The following TRIOBP variants were observed in gnomAD, a reference collection of about 807,000 sequenced individuals.
TRIOBP encodes the protein TRIO and F-actin-binding protein.
TRIOBP carries 169 observed loss-of-function variants against 238.8 expected under a neutral mutation model. The observed-to-expected ratio is 0.71, with a 90% confidence interval of 0.62 to 0.80. The LOEUF is 0.80. Among genes scored for constraint, TRIOBP ranks in the 30% least tolerant of loss-of-function variants. The pLI is 0.00. For missense variants in TRIOBP, 2,838 were observed against 3,122.6 expected (o/e 0.91, Z 2.17); for synonymous variants, 1,150 against 1,274.4 (o/e 0.90, Z 2.08).
chr22:37,751,202 T>TA (rs1484128723), intron 11 of TRIOBP: 1 of 380,702 alleles, frequency 2.6e-6, no homozygotes. Flanking sequence ...ACCCAGAAGG[T>TA]AGGGCTTGCC....
At chr22:37,755,308 C>T in intron 14 of TRIOBP, 118 bp downstream of exon 14, 1 of 1,124,650 alleles carries the variant, frequency 8.9e-7, no homozygotes, top group Non-Finnish European at 1.3e-6. Flanking sequence ...CTCATTTACC[C>T]AGAGGCCCTA....
chr22:37,764,324 C>G (rs1402324919), intron 17 of TRIOBP, among the ~76,000 whole-genome samples: 1 of 152,208 alleles, frequency 6.6e-6, no homozygotes, highest in Non-Finnish European at 1.5e-5. Context: ...CTGGGACGGA[C>G]AGGTCTGCAC....
intron 3 of TRIOBP, among the ~76,000 whole-genome samples, chr22:37,703,434 G>A (rs1033647614): frequency 3.3e-5 from 5 of 151,522 alleles, no homozygotes; most frequent in African/African-American, 1.2e-4. Flanking sequence ...TGGGACTCAC[G>A]AACCTCCGAG....
rs764421619 is a variant in TRIOBP, at chr22:37,772,665, G to C, written c.7001G>C (p.Arg2334Pro). ...VYVELSHIKT[R>P]SEREIEQLKE... ...GTGGAGCTGAGCCACATCAAGACAC[G>C]GTCTGAGCGGGAGATCGAGCAGCTG... Residue 2334 changes from arginine to proline, a missense_variant, in exon 23 of 24, where the codon CGG (arginine) becomes CCG (proline). This residue lies in a region of TRIOBP where 2,096 missense variants were observed against 2,137.4 expected (regional missense o/e 0.98). Coordinates refer to ENST00000644935, the MANE Select transcript of TRIOBP (RefSeq NM_001039141.3). 6.2e-7 allele frequency: 1 copy of C among 1,614,056 alleles called. No homozygotes were observed. Among genetic ancestry groups the C allele is most frequent in the Non-Finnish European group, 8.5e-7 (1 of 1,180,040 alleles).
In TRIOBP at chr22:37,748,291, C is replaced by A. The variant is rs533381812; in HGVS notation, c.5323-3481C>A. Among the ~76,000 whole-genome samples, 7 of 152,328 alleles carry A rather than the reference C, an allele frequency of 4.6e-5. No individual in the cohort carries two copies. In the East Asian group the frequency reaches 1.3e-3, roughly 29 times the overall value. On this transcript the variant is annotated intron_variant, in intron 11 of 23. Coordinates refer to ENST00000644935, the MANE Select transcript of TRIOBP (RefSeq NM_001039141.3). ...GCTCCTCCTGTACCCACCTCACACCCTCCTCCCCTGGCCCCCGTGCCCTGA... is the reference window on the plus strand; with the variant it reads ...GCTCCTCCTGTACCCACCTCACACCATCCTCCCCTGGCCCCCGTGCCCTGA...
intron 12 of TRIOBP, among the ~76,000 whole-genome samples, chr22:37,753,053 CCT>C (rs1925705824): frequency 6.6e-6 from 1 of 152,316 alleles, no homozygotes; most frequent in East Asian, 1.9e-4. Flanking sequence ...GCATAGAACC[CCT>C]GTCCTACTTT....
intron 18 of TRIOBP, among the ~76,000 whole-genome samples, chr22:37,766,450 C>T (rs548188541): frequency 5.9e-5 from 9 of 152,382 alleles, no homozygotes; most frequent in East Asian, 1.9e-4. Context: ...CTCATGCACT[C>T]GAACCCAGCC....
rs989961692 is a variant in TRIOBP at position 37,697,055 on chromosome 22, C to T, written c.-204C>T. 1 of 152,248 alleles carries T rather than the reference C, an allele frequency of 6.6e-6. No individual in the cohort carries two copies. The highest frequency in any genetic ancestry group is 2.4e-5 in the African/African-American group (1 of 41,460). The allele number at this position is 152,248 out of a possible 1,614,324, so 9.4% of individuals were successfully genotyped here. On this transcript the variant is annotated 5_prime_UTR_variant, in exon 1 of 24. Transcript: ENST00000644935. ...AGAGGCCATGACCCTGGCACTCCCACCCCGGCAGCCCCTGTGCGTGGAAAC... is the reference window on the plus strand; with the variant it reads ...AGAGGCCATGACCCTGGCACTCCCATCCCGGCAGCCCCTGTGCGTGGAAAC...
Position 37,725,304 on chromosome 22 carries a change from T to G in TRIOBP, c.2748T>G (p.Ser916Arg). ...WASFPLRPTQSDGPRTSSPSR... is the reference protein window; with the variant it reads ...WASFPLRPTQRDGPRTSSPSR... Reference sequence around the variant, plus strand: ...CGTTTCCCCTCCGGCCAACTCAGAGTGATGGTCCCCGAACCTCTTCCCCAT... The same window carrying G: ...CGTTTCCCCTCCGGCCAACTCAGAGGGATGGTCCCCGAACCTCTTCCCCAT... Residue 916 changes from serine to arginine, a missense_variant, in exon 7 of 24, where the codon AGT (serine) becomes AGG (arginine). By Grantham distance (110) the Ser-to-Arg change is moderately radical. Transcript: ENST00000644935. 3 of 1,613,770 alleles carry G rather than the reference T, an allele frequency of 1.9e-6. No individual in the cohort carries two copies. Among genetic ancestry groups the G allele is most frequent in the Non-Finnish European group, 2.5e-6 (3 of 1,179,998 alleles).
chr22:37,759,949 TG>T, intron 17 of TRIOBP: 1 of 241,618 alleles, frequency 4.1e-6, no homozygotes. Context: ...ATAATTTTAT[TG>T]TGAATTCCGT....
intron 3 of TRIOBP, among the ~76,000 whole-genome samples, chr22:37,709,524 C>G (rs968174005): frequency 7.2e-5 from 11 of 152,184 alleles, no homozygotes; most frequent in African/African-American, 1.4e-4. Context: ...TGAGCCGGAG[C>G]CCCCCGGGGA....
intron 17 of TRIOBP, chr22:37,759,723 T>C: frequency 4.1e-6 from 6 of 1,473,706 alleles, no homozygotes; most frequent in Non-Finnish European, 5.4e-6. Flanking sequence ...CCAGTAGCCC[T>C]CAGAGAATGC....
intron 11 of TRIOBP, among the ~76,000 whole-genome samples, chr22:37,747,223 C>T (rs752546087): frequency 6.6e-6 from 1 of 152,196 alleles, no homozygotes; most frequent in Non-Finnish European, 1.5e-5. Context: ...TGGTGAGTTG[C>T]CCGAGGTCAC....
chr22:37,746,303 G>A, intron 11 of TRIOBP: 6 of 1,111,776 alleles, frequency 5.4e-6, no homozygotes, highest in Non-Finnish European at 6.6e-6. Flanking sequence ...GGCGGCGGGC[G>A]GCCGAGAGGG....
intron 9 of TRIOBP, among the ~76,000 whole-genome samples, chr22:37,737,514 A>T (rs1320164735): frequency 6.6e-6 from 1 of 151,956 alleles, no homozygotes; most frequent in Non-Finnish European, 1.5e-5. Context: ...ACAAAAAATT[A>T]GCCGGGCGTG....
intron 23 of TRIOBP, among the ~76,000 whole-genome samples, chr22:37,773,026 C>T (rs1345574464): frequency 6.6e-6 from 1 of 152,236 alleles, no homozygotes; most frequent in Non-Finnish European, 1.5e-5. Flanking sequence ...CAGTGCACCC[C>T]CCTTCTTGGG....
chr22:37,724,808 G>A lies in TRIOBP; in HGVS notation c.2252G>A (p.Arg751Gln), dbSNP rs1324254346. ...AACCCCAGAACATCCTGTGCCCAGC[G>A]GGACAATCCCAGAGCCTCCTCTCCT... is the stretch of plus-strand genomic sequence containing the variant. ...RDNPRTSCAQRDNPRASSPNR... is the reference protein window; with the variant it reads ...RDNPRTSCAQQDNPRASSPNR... Residue 751 changes from arginine (R) to glutamine (Q), a missense_variant, in exon 7 of 24, where the codon CGG (arginine) becomes CAG (glutamine). By Grantham distance (43) the Arg-to-Gln change is conservative. This residue lies in a region of TRIOBP where 167 missense variants were observed against 200.2 expected (regional missense o/e 0.83). Coordinates refer to ENST00000644935, the MANE Select transcript of TRIOBP (RefSeq NM_001039141.3). The A allele has an allele frequency of 8.7e-6, 14 of 1,609,926 alleles. No homozygotes were observed. The highest frequency in any genetic ancestry group is 2.2e-5 in the East Asian group (1 of 44,678).
chr22:37,741,163 A>G lies in TRIOBP; in HGVS notation c.5322+131A>G, dbSNP rs888905619. 8.7e-6 allele frequency: 11 copies of G among 1,267,176 alleles called. No homozygotes were observed. The African/African-American group carries it at 1.0e-4, about 12-fold the overall frequency. 78.5% of individuals were successfully genotyped at this position (1,267,176 alleles called of 1,614,324 possible). ...GAGGCACCTAGGGCCGTCGCATGAC[A>G]GGAGAGGTGGGAGCAGAGCTCTTAA... On this transcript the variant is annotated intron_variant, in intron 11 of 23. Coordinates refer to ENST00000644935, the MANE Select transcript of TRIOBP (RefSeq NM_001039141.3).
At chr22:37,751,273 T>C (rs113660250) in intron 11 of TRIOBP, 234 of 345,322 alleles carry the variant, frequency 6.8e-4, no homozygotes, top group African/African-American at 4.4e-3. Context: ...CCCCAGCCTG[T>C]GACTGGCTCC....
Sources: allele counts gnomAD v4.1 joint callset (sites outside exome capture counted in the v4.1 genomes callset), GRCh38; gene constraint gnomAD v4.1.1; regional missense constraint gnomAD v4.1.1; transcripts MANE v1.5; gene names NCBI Gene and HGNC (gene_info 2026-07-23, HGNC 2026-07-21).